UGT2A2: variants seen among roughly 807,000 people sequenced by gnomAD.
UGT2A2 encodes UDP glucuronosyltransferase family 2 member A2.
In UGT2A2, 60 loss-of-function variants were observed where a neutral mutation model predicts 50.7. The observed-to-expected ratio is 1.18, with a 90% CI of 0.96 to 1.47. The LOEUF (loss-of-function observed/expected upper bound fraction) is 1.47, where lower values mean the gene tolerates loss of function less well. UGT2A2 is among the 40% of genes most tolerant of loss of function. The pLI is 0.00. For missense variants in UGT2A2, 762 were observed against 634.0 expected (o/e 1.20, Z -2.17); for synonymous variants, 242 against 214.6 (o/e 1.13, Z -1.11).
At chr4:69,630,224 T>A (rs975437457) in intron 1 of UGT2A2, among the ~76,000 whole-genome samples, 1 of 152,142 alleles carries the variant, frequency 6.6e-6, no homozygotes, top group Non-Finnish European at 1.5e-5. Context: ...AATAGCTCCA[T>A]CTGCAGTTGG....
At chr4:69,628,949 G>A (rs1372211436) in intron 1 of UGT2A2, among the ~76,000 whole-genome samples, 4 of 151,434 alleles carry the variant, frequency 2.6e-5, no homozygotes, top group Non-Finnish European at 5.9e-5. Flanking sequence ...AGTCTCAAAG[G>A]GGATTCATTG....
At chr4:69,620,163 C>A (rs1278878914) in intron 1 of UGT2A2, among the ~76,000 whole-genome samples, 1 of 151,826 alleles carries the variant, frequency 6.6e-6, no homozygotes, top group Non-Finnish European at 1.5e-5. Context: ...AAATAAAAGG[C>A]ATCCAAATAG....
chr4:69,610,944 T>C (rs1719999114), intron 1 of UGT2A2, among the ~76,000 whole-genome samples: 1 of 152,168 alleles, frequency 6.6e-6, no homozygotes, highest in African/African-American at 2.4e-5. Context: ...CTTTGGTTTG[T>C]TAGTTCACAT....
chr4:69,595,080 G>A, intron 4 of UGT2A2, 82 bp downstream of exon 4: 1 of 1,500,986 alleles, frequency 6.7e-7, no homozygotes, highest in Non-Finnish European at 9.2e-7. Flanking sequence ...TATTAAAAAT[G>A]TATTGAATTT....
chr4:69,596,319 T>G lies in UGT2A2; in HGVS notation c.954A>C (p.Ser318=). ...TTTCTTCTGTAAGGTTTTTGACCATTGATCCCAGAGAAAACACCACAACAC... is the reference window on the plus strand; with the variant it reads ...TTTCTTCTGTAAGGTTTTTGACCATGGATCCCAGAGAAAACACCACAACAC... The part of the protein sequence containing the change: ...KNGVVVFSLG[S]MVKNLTEEKA... The change falls in exon 3 of 6, where the codon TCA becomes TCC. Residue 318 remains serine, a synonymous_variant. Transcript: ENST00000604629. 6.2e-7 allele frequency: 1 copy of G among 1,609,032 alleles called. No individual in the cohort carries two copies. Among genetic ancestry groups the G allele is most frequent in the Non-Finnish European group, 8.5e-7 (1 of 1,176,942 alleles).
chr4:69,617,396 T>A (rs900973603), intron 1 of UGT2A2, among the ~76,000 whole-genome samples: 1 of 151,946 alleles, frequency 6.6e-6, no homozygotes, highest in Non-Finnish European at 1.5e-5. Context: ...GATCTACTTA[T>A]GTTTATACAA....
chr4:69,607,558 A>C (rs943857740), intron 1 of UGT2A2, among the ~76,000 whole-genome samples: 2 of 152,036 alleles, frequency 1.3e-5, no homozygotes, highest in Admixed American at 1.3e-4. Flanking sequence ...CAAAAGCCAA[A>C]ATTGACAAAT....
chr4:69,619,329 GT>G (rs563939351), intron 1 of UGT2A2, among the ~76,000 whole-genome samples: 1 of 151,846 alleles, frequency 6.6e-6, no homozygotes, highest in Non-Finnish European at 1.5e-5. Context: ...AGCCTGGGAG[GT>G]TGAGACTACA....
At chr4:69,635,730 G>A in intron 1 of UGT2A2, 1 of 262,260 alleles carries the variant, frequency 3.8e-6, no homozygotes, top group Non-Finnish European at 7.8e-6. Flanking sequence ...TGGAGGCTGA[G>A]GCGGGAGAAT....
At chr4:69,601,605 C>T (rs2109895431) in intron 1 of UGT2A2, among the ~76,000 whole-genome samples, 1 of 152,222 alleles carries the variant, frequency 6.6e-6, no homozygotes, top group Non-Finnish European at 1.5e-5. Context: ...ACCAGGAGGT[C>T]CTGAGTTTGT....
At chr4:69,607,038 T>C in intron 1 of UGT2A2, among the ~76,000 whole-genome samples, 1 of 133,726 alleles carries the variant, frequency 7.5e-6, no homozygotes, top group Non-Finnish European at 1.6e-5. Context: ...AAACTACCAA[T>C]GACTTTCTTC....
At chr4:69,607,235 A>T (rs1424047553) in intron 1 of UGT2A2, among the ~76,000 whole-genome samples, 13 of 150,226 alleles carry the variant, frequency 8.7e-5, no homozygotes, top group Admixed American at 2.0e-4. Context: ...AGACCAATGG[A>T]ACAGAACAGA....
chr4:69,599,452 A>T (rs1719130636), intron 1 of UGT2A2, 58 bp from the exon 2 acceptor site: 1 of 1,571,608 alleles, frequency 6.4e-7, no homozygotes, highest in African/African-American at 1.4e-5. Flanking sequence ...TGCTGAGGAG[A>T]AAAAAAAGCT....
At chr4:69,613,106 A>G (rs1186081279) in intron 1 of UGT2A2, among the ~76,000 whole-genome samples, 1 of 152,048 alleles carries the variant, frequency 6.6e-6, no homozygotes, top group Non-Finnish European at 1.5e-5. Context: ...GAAGACATAC[A>G]ATCAACCTGC....
intron 1 of UGT2A2, among the ~76,000 whole-genome samples, chr4:69,631,795 G>A (rs937317462): frequency 6.6e-6 from 1 of 152,040 alleles, no homozygotes; most frequent in Non-Finnish European, 1.5e-5. Flanking sequence ...ACTGATGCTG[G>A]GATACCAACT....
chr4:69,616,544 A>G (rs1720398262), intron 1 of UGT2A2, among the ~76,000 whole-genome samples: 1 of 151,946 alleles, frequency 6.6e-6, no homozygotes, highest in Non-Finnish European at 1.5e-5. Context: ...AACTTAAACA[A>G]TTATAACATG....
At chr4:69,609,683 C>A (rs1719914326) in intron 1 of UGT2A2, among the ~76,000 whole-genome samples, 1 of 129,736 alleles carries the variant, frequency 7.7e-6, no homozygotes, top group Non-Finnish European at 1.7e-5. Flanking sequence ...TACCTATACC[C>A]ACACCTATAC....
At chr4:69,601,474 T>TTG (rs1168152208) in intron 1 of UGT2A2, among the ~76,000 whole-genome samples, 28 of 152,260 alleles carry the variant, frequency 1.8e-4, no homozygotes, top group African/African-American at 6.7e-4. Flanking sequence ...AAGTGCCACC[T>TTG]CTTGGCTAGA....
chr4:69,627,510 AAAGAAAGAAAG>A (rs1721135356), intron 1 of UGT2A2, among the ~76,000 whole-genome samples: 1 of 149,140 alleles, frequency 6.7e-6, no homozygotes, highest in Non-Finnish European at 1.5e-5. Flanking sequence ...GAAGGAAGGA[AAAGAAAGAAAG>A]AAGAAAGAAA....
Sources: gnomAD v4.1 joint callset for allele counts (sites outside exome capture counted in the v4.1 genomes callset) on GRCh38, gnomAD v4.1.1 for gene constraint, MANE v1.5 for transcripts, NCBI Gene and HGNC (gene_info 2026-07-23, HGNC 2026-07-21) for gene names.